FBXO4: variants seen among roughly 807,000 people sequenced by gnomAD.
FBXO4 encodes F-box protein 4.
Under a neutral mutation model 43.7 loss-of-function variants are expected in FBXO4, and 36 were observed. The observed-to-expected ratio is 0.82, with a 90% confidence interval of 0.63 to 1.09. The LOEUF is 1.09. Among genes scored for constraint, FBXO4 ranks in the 50% least tolerant of loss-of-function variants. The probability of loss-of-function intolerance (pLI) is 0.00; values close to 1 mark genes in which losing one functional copy is unlikely to be tolerated. For missense variants in FBXO4, 435 were observed against 474.1 expected, an observed-to-expected ratio of 0.92 and a Z score of 0.77; for synonymous variants, 180 against 165.6, an observed-to-expected ratio of 1.09 and a Z score of -0.67.
the FBXO4 span, among the ~76,000 whole-genome samples, chr5:41,950,757 T>C: frequency 6.6e-6 from 1 of 152,194 alleles, no homozygotes; most frequent in African/African-American, 2.4e-5. Flanking sequence ...TAAAGACACA[T>C]GCACACATAT....
chr5:41,941,537 T>C lies in FBXO4; in HGVS notation c.*256T>C. 1 of 236,238 alleles carries C rather than the reference T, an allele frequency of 4.2e-6. No homozygotes were observed. Among genetic ancestry groups the C allele is most frequent in the Admixed American group, 5.1e-5 (1 of 19,634 alleles). 14.6% of individuals were successfully genotyped at this position (236,238 alleles called of 1,614,324 possible). ...TTTTTGGTAATTTTTATATTTTCTG[T>C]CTTTTTAAAAATATTAAATTCTGGA... On this transcript the variant is annotated 3_prime_UTR_variant, in exon 7 of 7. Coordinates refer to ENST00000281623, the MANE Select transcript of FBXO4 (RefSeq NM_012176.3).
the FBXO4 span, among the ~76,000 whole-genome samples, chr5:42,000,953 G>C: frequency 6.6e-6 from 1 of 152,126 alleles, no homozygotes; most frequent in Non-Finnish European, 1.5e-5. Flanking sequence ...TTATGCCATA[G>C]CATATATTGT....
chr5:41,962,698 T>G, the FBXO4 span, among the ~76,000 whole-genome samples: 1 of 152,118 alleles, frequency 6.6e-6, no homozygotes, highest in Non-Finnish European at 1.5e-5. Flanking sequence ...GGGTGTGAAG[T>G]TCAAACACTT....
chr5:41,993,264 C>T, the FBXO4 span, among the ~76,000 whole-genome samples: 329 of 151,960 alleles, frequency 2.2e-3, no homozygotes, highest in African/African-American at 7.6e-3. Flanking sequence ...CTTTTTATTC[C>T]CTTTTTATAT....
At chr5:41,981,511 C>A in the FBXO4 span, among the ~76,000 whole-genome samples, 1 of 150,838 alleles carries the variant, frequency 6.6e-6, no homozygotes, top group Non-Finnish European at 1.5e-5. Context: ...ATGGAGAAAT[C>A]TTTTGCATAC....
the FBXO4 span, among the ~76,000 whole-genome samples, chr5:41,996,227 A>C: frequency 6.6e-6 from 1 of 152,186 alleles, no homozygotes; most frequent in Non-Finnish European, 1.5e-5. Context: ...TGATGATGGA[A>C]TGCTGCTGTG....
At position 41,939,609 on chromosome 5, in the gene FBXO4, C is replaced by T. The variant is rs766310816; in HGVS notation, c.1067C>T (p.Pro356Leu). Residue 356 changes from proline to leucine, a missense_variant, in exon 6 of 7, where the codon CCA (proline) becomes CTA (leucine). Physicochemically the swap from Pro to Leu is moderately conservative, Grantham distance 98. Transcript: ENST00000281623. ...HELHLNLLNH[P>L]WLVQDTEAET... The stretch of plus-strand genomic sequence containing the variant: ...CTGCATCTGAATCTTCTAAATCACC[C>T]ATGGCTGGTAAGATCATTTATACTC... 1.6e-5 allele frequency: 26 copies of T among 1,611,432 alleles called. 1 individual carries two copies. The South Asian group carries it at 2.9e-4, about 18-fold the overall frequency.
At chr5:42,002,394 T>G in the FBXO4 span, among the ~76,000 whole-genome samples, 1 of 152,196 alleles carries the variant, frequency 6.6e-6, no homozygotes, top group Non-Finnish European at 1.5e-5. Context: ...ATCTTCAAAT[T>G]CTTTAAAATA....
chr5:41,958,023 T>A, the FBXO4 span, among the ~76,000 whole-genome samples: 1 of 152,172 alleles, frequency 6.6e-6, no homozygotes, highest in East Asian at 1.9e-4. Context: ...TAAGATGTTT[T>A]AATATATATA....
chr5:41,972,325 C>T, the FBXO4 span, among the ~76,000 whole-genome samples: 1 of 152,010 alleles, frequency 6.6e-6, no homozygotes, highest in Non-Finnish European at 1.5e-5. Flanking sequence ...AGAGCCAAAT[C>T]AAGAACATAA....
At chr5:41,998,153 A>G in the FBXO4 span, among the ~76,000 whole-genome samples, 1 of 152,182 alleles carries the variant, frequency 6.6e-6, no homozygotes, top group East Asian at 1.9e-4. Flanking sequence ...TATGATAGCT[A>G]TGTCTACCTT....
At chr5:41,931,528 A>G (rs1751687915) in intron 3 of FBXO4, among the ~76,000 whole-genome samples, 1 of 152,244 alleles carries the variant, frequency 6.6e-6, no homozygotes, top group Non-Finnish European at 1.5e-5. Flanking sequence ...ACCTACTATA[A>G]GCAAATCTGC....
the FBXO4 span, among the ~76,000 whole-genome samples, chr5:41,953,545 A>C: frequency 1.3e-5 from 2 of 151,452 alleles, no homozygotes; most frequent in Non-Finnish European, 3.0e-5. Context: ...TGGTATTTCT[A>C]GTTCTAGATC....
At chr5:42,011,770 G>A in the FBXO4 span, among the ~76,000 whole-genome samples, 1 of 152,116 alleles carries the variant, frequency 6.6e-6, no homozygotes, top group African/African-American at 2.4e-5. Flanking sequence ...TGCAGTAAGA[G>A]AAAGTTTAAG....
the FBXO4 span, among the ~76,000 whole-genome samples, chr5:41,986,559 T>C: frequency 6.6e-6 from 1 of 152,214 alleles, no homozygotes; most frequent in Non-Finnish European, 1.5e-5. Context: ...CAAAATGTGA[T>C]GCTACCGTTT....
At chr5:41,942,030 G>C (rs1752013376), downstream of FBXO4, among the ~76,000 whole-genome samples, 1 of 151,970 alleles carries the variant, frequency 6.6e-6, no homozygotes. Context: ...CTGGAACTCA[G>C]CAATTTTAAG....
chr5:42,029,684 C>T, the FBXO4 span, among the ~76,000 whole-genome samples: 4 of 151,548 alleles, frequency 2.6e-5, no homozygotes, highest in Admixed American at 2.6e-4. Flanking sequence ...TTTCAAATAT[C>T]CTGACTCCAA....
At chr5:42,014,819 A>G in the FBXO4 span, among the ~76,000 whole-genome samples, 2 of 152,186 alleles carry the variant, frequency 1.3e-5, no homozygotes, top group Non-Finnish European at 2.9e-5. Flanking sequence ...GCTAGATGGC[A>G]TCCACCAGAA....
chr5:41,968,382 C>G, the FBXO4 span: 1 of 153,112 alleles, frequency 6.5e-6, no homozygotes. Context: ...CGCCGGTGCC[C>G]GCGCTCGGCT....
Sources: gnomAD v4.1 joint callset for allele counts (sites outside exome capture counted in the v4.1 genomes callset) on GRCh38, gnomAD v4.1.1 for gene constraint, MANE v1.5 for transcripts, NCBI Gene and HGNC (gene_info 2026-07-23, HGNC 2026-07-21) for gene names.